PCSK5: variants seen among roughly 807,000 people sequenced by gnomAD.
PCSK5 encodes proprotein convertase subtilisin/kexin type 5.
A neutral mutation model predicts 233.2 loss-of-function variants in PCSK5; 129 were observed. That is an observed-to-expected ratio of 0.55 (90% confidence interval 0.48 to 0.64). The LOEUF is 0.64. PCSK5 is among the 30% of genes least tolerant of loss of function. PCSK5 has a pLI of 0.00. For synonymous variants in PCSK5, 825 were observed against 879.2 expected (o/e 0.94, Z 1.09); for missense variants, 2,076 against 2,430.1 (o/e 0.85, Z 3.06).
intron 30 of PCSK5, among the ~76,000 whole-genome samples, chr9:76,312,963 G>A (rs912864876): frequency 2.6e-5 from 4 of 151,894 alleles, no homozygotes; most frequent in African/African-American, 9.7e-5. Flanking sequence ...ATATACAAAG[G>A]GCTAAGAGAT....
chr9:76,327,178 C>G (rs991597452), intron 32 of PCSK5, among the ~76,000 whole-genome samples: 2 of 150,904 alleles, frequency 1.3e-5, no homozygotes, highest in Non-Finnish European at 2.9e-5. Flanking sequence ...GCAATCACAG[C>G]TCACTGCAGC....
chr9:76,104,311 G>A (rs1831889062), intron 8 of PCSK5, among the ~76,000 whole-genome samples: 1 of 152,088 alleles, frequency 6.6e-6, no homozygotes, highest in South Asian at 2.1e-4. Flanking sequence ...GAAGGGAGTG[G>A]GGATGTTTTT....
At position 76,296,725 on chromosome 9, in the gene PCSK5, G is replaced by T. The variant is rs1332743524; in HGVS notation, c.3383G>T (p.Cys1128Phe). The change falls in exon 27 of 38, where the codon TGT becomes TTT. Residue 1128 changes from cysteine to phenylalanine, a missense_variant. This residue lies in a region of PCSK5 where 1,510 missense variants were observed against 1,538.1 expected (regional missense o/e 0.98). Coordinates refer to ENST00000674117, the MANE Select transcript of PCSK5 (RefSeq NM_001372043.1). Reference protein sequence around the residue: ...GFYGDQEMGECESCHRACETC... With the variant: ...GFYGDQEMGEFESCHRACETC... ...TATGGTGACCAAGAAATGGGAGAAT[G>T]TGAGTCCTGCCACCGAGCATGCGAA... 1 of 1,612,608 alleles carries T rather than the reference G, an allele frequency of 6.2e-7. No individual in the cohort carries two copies. The highest frequency in any genetic ancestry group is 1.7e-5 in the Admixed American group (1 of 60,008).
At chr9:76,060,975 A>G (rs1421226346) in intron 5 of PCSK5, among the ~76,000 whole-genome samples, 1 of 152,186 alleles carries the variant, frequency 6.6e-6, no homozygotes, top group Non-Finnish European at 1.5e-5. Flanking sequence ...TAACTAATAT[A>G]AACAGAGTAT....
intron 7 of PCSK5, among the ~76,000 whole-genome samples, chr9:76,083,994 A>C (rs1337083383): frequency 1.3e-5 from 2 of 152,234 alleles, no homozygotes; most frequent in Non-Finnish European, 2.9e-5. Flanking sequence ...TTTTGGAATG[A>C]TATATAGCTA....
intron 20 of PCSK5, among the ~76,000 whole-genome samples, chr9:76,214,768 A>G (rs1825460919): frequency 6.6e-6 from 1 of 152,166 alleles, no homozygotes; most frequent in Admixed American, 6.5e-5. Context: ...GACTGCTTAC[A>G]TTTCCTGAGC....
At position 75,958,269 on chromosome 9, in the gene PCSK5, A is replaced by G. The variant is rs544457885; in HGVS notation, c.297+25786A>G. 6.6e-5 allele frequency among the ~76,000 whole-genome samples: 10 copies of G among 152,320 alleles called. No individual in the cohort carries two copies. The South Asian group carries it at 2.1e-3, about 32-fold the overall frequency. On this transcript the variant is annotated intron_variant, in intron 2 of 37. Coordinates refer to ENST00000674117, the MANE Select transcript of PCSK5 (RefSeq NM_001372043.1). ...GAGAACAATCCCCTGTAACAGGCCT[A>G]GAATAAACTCAGCCTCTGACCCAAT...
At chr9:75,983,103 T>G (rs1047349789) in intron 2 of PCSK5, among the ~76,000 whole-genome samples, 1 of 152,158 alleles carries the variant, frequency 6.6e-6, no homozygotes, top group African/African-American at 2.4e-5. Flanking sequence ...TTTCTTGACT[T>G]TCTATGCTAT....
At chr9:76,060,693 G>C (rs1829997053) in intron 5 of PCSK5, among the ~76,000 whole-genome samples, 3 of 152,204 alleles carry the variant, frequency 2.0e-5, no homozygotes, top group Admixed American at 2.0e-4. Flanking sequence ...TGAGTAATCA[G>C]AGTTGAATCA....
chr9:76,222,317 T>G lies in PCSK5; in HGVS notation c.2627-5186T>G, dbSNP rs73460350. 6.3e-4 allele frequency among the ~76,000 whole-genome samples: 96 copies of G among 152,160 alleles called. 1 individual carries two copies. Among genetic ancestry groups the G allele is most frequent in the African/African-American group, 2.2e-3 (93 of 41,546 alleles). ...GGCCTGCTAAGACACAAACTCTTTG[T>G]GTAGATATTTTTTTAAAAAAATATT... On this transcript the variant is annotated intron_variant, in intron 20 of 37. Transcript: ENST00000674117.
intron 30 of PCSK5, among the ~76,000 whole-genome samples, chr9:76,320,429 AAAAAAAAAAAAAG>A (rs368030658): frequency 0.32 from 40,953 of 128,064 alleles, 7,662 homozygotes; most frequent in African/African-American, 0.4. Flanking sequence ...ACTCTGTCTC[AAAAAAAAAAAAAG>A]AAAAAAAAAA....
In PCSK5 at chr9:76,233,394, T is replaced by C. The variant is rs575473837; in HGVS notation, c.2730-66T>C. ...GTCCAGCAAACATGAATACCACATG[T>C]TCTGATACTTAGGGCCACTCTGGAA... On this transcript the variant is annotated intron_variant, in intron 21 of 37. Transcript: ENST00000674117. 51 of 1,528,578 alleles carry C rather than the reference T, an allele frequency of 3.3e-5. No individual in the cohort carries two copies. The Admixed American group carries it at 3.6e-4, about 11-fold the overall frequency. 94.7% of individuals were successfully genotyped at this position (1,528,578 alleles called of 1,614,324 possible).
chr9:76,096,106 C>T lies in PCSK5; in HGVS notation c.1107+4C>T, dbSNP rs557967544. The T allele has an allele frequency of 1.6e-5, 26 of 1,598,628 alleles. No homozygotes were observed. The highest frequency in any genetic ancestry group is 6.7e-5 in the East Asian group (3 of 44,792). ...GGAGTCCTACGATAAGAAAATCGTA[C>T]GTGACATGTGCATGCCCATCATGAT... is the stretch of plus-strand genomic sequence containing the variant. On this transcript the variant is annotated splice_donor_region_variant and intron_variant, in intron 8 of 37. Transcript: ENST00000674117.
intron 16 of PCSK5, 84 bp downstream of exon 16, chr9:76,181,675 T>G: frequency 1.1e-6 from 1 of 873,092 alleles, no homozygotes; most frequent in South Asian, 1.7e-5. Flanking sequence ...AGCCTCTTTG[T>G]GAAATCTGGA....
chr9:75,910,766 A>C (rs1261474423), intron 1 of PCSK5, among the ~76,000 whole-genome samples: 2 of 152,194 alleles, frequency 1.3e-5, no homozygotes, highest in South Asian at 4.1e-4. Context: ...TTGTGCTTCC[A>C]GAATTATGAC....
intron 24 of PCSK5, among the ~76,000 whole-genome samples, chr9:76,242,482 G>T (rs1018868596): frequency 2.6e-5 from 4 of 152,024 alleles, no homozygotes; most frequent in African/African-American, 9.7e-5. Flanking sequence ...CACTTAAGAA[G>T]AAGATAAAAT....
chr9:76,158,940 T>C lies in PCSK5; in HGVS notation c.1431-43T>C, dbSNP rs759746730. 2.0e-5 allele frequency: 30 copies of C among 1,536,524 alleles called. 1 individual carries two copies. The highest frequency in any genetic ancestry group is 3.6e-6 in the Non-Finnish European group (4 of 1,114,020). On this transcript the variant is annotated intron_variant, in intron 11 of 37. Coordinates refer to ENST00000674117, the MANE Select transcript of PCSK5 (RefSeq NM_001372043.1). Reference sequence around the variant, plus strand: ...CCTCCAGGTTCACTCACCTGAGCTCTGTGATGTCATTTGCTCAAACTCTCC... The same window carrying C: ...CCTCCAGGTTCACTCACCTGAGCTCCGTGATGTCATTTGCTCAAACTCTCC...
chr9:76,195,433 G>A (rs769235575), intron 20 of PCSK5: 1 of 152,138 alleles, frequency 6.6e-6, no homozygotes. Context: ...ATTCATTGGG[G>A]TCTACCAGCG....
chr9:76,029,155 C>A (rs17719860), intron 5 of PCSK5, among the ~76,000 whole-genome samples: 1 of 152,004 alleles, frequency 6.6e-6, no homozygotes, highest in Non-Finnish European at 1.5e-5. Flanking sequence ...CCATACTTAA[C>A]GCAGGCCAGG....
Sources: gnomAD v4.1 joint callset for allele counts (sites outside exome capture counted in the v4.1 genomes callset) on GRCh38, gnomAD v4.1.1 for gene constraint, gnomAD v4.1.1 regional missense constraint, MANE v1.5 for transcripts, NCBI Gene and HGNC (gene_info 2026-07-23, HGNC 2026-07-21) for gene names.